Variants in DNAH7 observed in about 807,000 individuals in gnomAD.
DNAH7 encodes dynein axonemal heavy chain 7.
DNAH7 carries 397 observed loss-of-function variants against 444.6 expected under a neutral mutation model. That is an observed-to-expected ratio of 0.89 (90% CI 0.82 to 0.97). DNAH7 has a LOEUF of 0.97. Ranked by LOEUF, DNAH7 falls within the 50% of genes least tolerant of loss-of-function variation. The probability of loss-of-function intolerance (pLI) is 0.00; values close to 1 mark genes in which losing one functional copy is unlikely to be tolerated. For synonymous variants in DNAH7, 1,636 were observed against 1,624.4 expected, an observed-to-expected ratio of 1.01 and a Z score of -0.17; for missense variants, 4,902 against 4,800.8, an observed-to-expected ratio of 1.02 and a Z score of -0.62.
At chr2:195,778,127 T>C in intron 58 of DNAH7, 142 bp from the exon 59 acceptor site, 1 of 721,226 alleles carries the variant, frequency 1.4e-6, no homozygotes, top group Non-Finnish European at 2.0e-6. Context: ...TCCCTGCTAA[T>C]TGTTGCCATT....
chr2:196,020,240 G>A (rs1489463238), intron 8 of DNAH7, among the ~76,000 whole-genome samples: 1 of 151,918 alleles, frequency 6.6e-6, no homozygotes, highest in Non-Finnish European at 1.5e-5. Context: ...TAATAGTTAA[G>A]CTTTGTTATA....
intron 18 of DNAH7, among the ~76,000 whole-genome samples, chr2:195,958,602 G>C (rs1690860064): frequency 6.6e-6 from 1 of 152,190 alleles, no homozygotes; most frequent in African/African-American, 2.4e-5. Flanking sequence ...CTCCAAAACA[G>C]TGTGGCACTC....
intron 3 of DNAH7, 76 bp from the exon 4 acceptor site, chr2:196,048,480 T>C: frequency 5.1e-6 from 6 of 1,186,034 alleles, no homozygotes; most frequent in Non-Finnish European, 7.3e-6. Context: ...CACGAGTGTT[T>C]ATAAACACAG....
intron 2 of DNAH7, among the ~76,000 whole-genome samples, chr2:196,057,563 A>G (rs1279786909): frequency 6.6e-6 from 1 of 152,240 alleles, no homozygotes; most frequent in Non-Finnish European, 1.5e-5. Context: ...CAATTAAAAC[A>G]TGTACTTGAA....
At chr2:195,946,026 T>C (rs1175734420) in intron 19 of DNAH7, among the ~76,000 whole-genome samples, 1 of 152,150 alleles carries the variant, frequency 6.6e-6, no homozygotes, top group East Asian at 1.9e-4. Flanking sequence ...ACATCTTTCC[T>C]AGCTGGAGAT....
At position 195,861,570 on chromosome 2, in the gene DNAH7, G is replaced by A. The variant is rs895218956; in HGVS notation, c.7736+147C>T. On this transcript the variant is annotated intron_variant, in intron 42 of 64. Transcript: ENST00000312428. ...TAAGACCCCTCCCTAAATTCAAAAT[G>A]TCTGTGGATTAAATAATTTAAAGAT... The A allele has an allele frequency of 8.1e-5, 53 of 652,012 alleles. No individual in the cohort carries two copies. The Middle Eastern group carries it at 1.7e-3, about 21-fold the overall frequency. The allele number at this position is 652,012 out of a possible 1,614,324, so 40.4% of individuals were successfully genotyped here. A position where few individuals can be genotyped will look rare whatever the true frequency, so the allele number is the denominator to read the frequency against.
chr2:196,008,867 T>C (rs936753105), intron 10 of DNAH7, among the ~76,000 whole-genome samples: 2 of 152,216 alleles, frequency 1.3e-5, no homozygotes, highest in Non-Finnish European at 2.9e-5. Flanking sequence ...TATCTGGGAC[T>C]GGGTAATTTA....
At chr2:196,006,073 GGA>G (rs1694356422) in intron 10 of DNAH7, among the ~76,000 whole-genome samples, 1 of 152,092 alleles carries the variant, frequency 6.6e-6, no homozygotes, top group Non-Finnish European at 1.5e-5. Flanking sequence ...CAACACTTTG[GGA>G]GGCTGAGTCA....
At chr2:195,912,570 G>A (rs1574747060) in intron 24 of DNAH7, among the ~76,000 whole-genome samples, 1 of 152,270 alleles carries the variant, frequency 6.6e-6, no homozygotes, top group East Asian at 1.9e-4. Context: ...TGAAGCAAAA[G>A]CCACCTGCGG....
intron 19 of DNAH7, among the ~76,000 whole-genome samples, chr2:195,937,660 G>C (rs1474106600): frequency 6.6e-6 from 1 of 151,952 alleles, no homozygotes; most frequent in Non-Finnish European, 1.5e-5. Flanking sequence ...TAAAAATACA[G>C]CCTAGATATA....
Position 196,001,824 on chromosome 2 carries a change from CTTGG to C in DNAH7, c.1020_1023del (p.Tyr340Ter). 6.2e-7 allele frequency: 1 copy of C among 1,610,346 alleles called. No individual in the cohort carries two copies. The highest frequency in any genetic ancestry group is 8.5e-7 in the Non-Finnish European group (1 of 1,178,760). On this transcript the variant is annotated frameshift_variant, in exon 11 of 65. Coordinates refer to ENST00000312428, the MANE Select transcript of DNAH7 (RefSeq NM_018897.3). LOFTEE classifies it high-confidence loss of function. ...GTTGGCAATTGCTTTTTTTTATTAC[CTTGG>C]TAATAAATATTCTGCACTTCTGGAA...
intron 20 of DNAH7, among the ~76,000 whole-genome samples, chr2:195,935,345 G>A (rs576441548): frequency 6.6e-5 from 10 of 152,112 alleles, no homozygotes; most frequent in Non-Finnish European, 1.0e-4. Flanking sequence ...CCAATAACCC[G>A]TTGCATTCAT....
chr2:195,858,773 C>T lies in DNAH7; in HGVS notation c.7768G>A (p.Val2590Met), dbSNP rs1699862289. 1.2e-6 allele frequency: 2 copies of T among 1,607,280 alleles called. No individual in the cohort carries two copies. The highest frequency in any genetic ancestry group is 1.7e-6 in the Non-Finnish European group (2 of 1,177,464). Reference sequence around the variant, plus strand: ...GCAGAATCCAGTTTCTCCAAACCCACTTCATATCTCTTTTTCATTTTCATT... The same window carrying T: ...GCAGAATCCAGTTTCTCCAAACCCATTTCATATCTCTTTTTCATTTTCATT... ...EVMKMKKRYE[V>M]GLEKLDSASS... Residue 2590 changes from valine to methionine, a missense_variant, in exon 43 of 65, where the codon GTG becomes ATG. Val to Met is a conservative substitution (Grantham distance 21). Coordinates refer to ENST00000312428, the MANE Select transcript of DNAH7 (RefSeq NM_018897.3).
At chr2:196,024,865 G>A (rs1695584588) in intron 7 of DNAH7, among the ~76,000 whole-genome samples, 1 of 151,596 alleles carries the variant, frequency 6.6e-6, no homozygotes, top group African/African-American at 2.4e-5. Context: ...ATTTCACCGA[G>A]AAAAGGTACA....
chr2:195,998,391 C>T lies in DNAH7; in HGVS notation c.1353+2313G>A, dbSNP rs533859093. 3.3e-5 allele frequency among the ~76,000 whole-genome samples: 5 copies of T among 152,054 alleles called. No homozygotes were observed. The South Asian group carries it at 1.0e-3, about 32-fold the overall frequency. The stretch of plus-strand genomic sequence containing the variant: ...AAGATCGAGACCATCTTGGCTAAGA[C>T]GTTGAAACCCCATCTCTACTAAAAA... On this transcript the variant is annotated intron_variant, in intron 12 of 64. Transcript: ENST00000312428.
intron 19 of DNAH7, among the ~76,000 whole-genome samples, chr2:195,947,732 T>C (rs1652242682): frequency 6.6e-6 from 1 of 152,204 alleles, no homozygotes; most frequent in African/African-American, 2.4e-5. Flanking sequence ...TTTGCTATTG[T>C]GAATAGTGCT....
chr2:195,822,698 T>A (rs1024140314), intron 49 of DNAH7, among the ~76,000 whole-genome samples: 22 of 152,282 alleles, frequency 1.4e-4, no homozygotes, highest in African/African-American at 4.8e-4. Context: ...CCCACAGCAC[T>A]TTATGACTCC....
At chr2:195,920,885 C>T (rs1342031198) in intron 24 of DNAH7, among the ~76,000 whole-genome samples, 2 of 152,020 alleles carry the variant, frequency 1.3e-5, no homozygotes, top group Non-Finnish European at 2.9e-5. Flanking sequence ...AATAACTAAT[C>T]CCACAAAAAG....
In DNAH7 at chr2:195,775,943, G is replaced by T; in HGVS notation, c.11105C>A (p.Thr3702Asn). 4.3e-6 allele frequency: 7 copies of T among 1,614,198 alleles called. No individual in the cohort carries two copies. Among genetic ancestry groups the T allele is most frequent in the Non-Finnish European group, 5.9e-6 (7 of 1,180,032 alleles). The change falls in exon 60 of 65, where the codon ACC becomes AAC. Residue 3702 changes from threonine to asparagine, a missense_variant. By Grantham distance (65) the Thr-to-Asn change is moderately conservative. Transcript: ENST00000312428. ...CATCCCAAAGATTTCTGGTGCTGGG[G>T]TCAGTGGCAGAGTCTTTGTGTATTC... ...YIEYTKTLPLTPAPEIFGMNA... is the reference protein window; with the variant it reads ...YIEYTKTLPLNPAPEIFGMNA...
Sources: allele counts gnomAD v4.1 joint callset (sites outside exome capture counted in the v4.1 genomes callset), GRCh38; gene constraint gnomAD v4.1.1; transcripts MANE v1.5; gene names NCBI Gene and HGNC (gene_info 2026-07-23, HGNC 2026-07-21).